The following NELL2 variants were observed in gnomAD, a reference collection of about 807,000 sequenced individuals.
The protein encoded by NELL2 is protein kinase C-binding protein NELL2.
Under a neutral mutation model 109.6 loss-of-function variants are expected in NELL2, and 41 were observed. The observed-to-expected ratio is 0.37, with a 90% CI of 0.29 to 0.49. The LOEUF is 0.49. NELL2 is among the 20% of genes least tolerant of loss of function. NELL2 has a pLI of 0.98. For synonymous variants in NELL2, 355 were observed against 344.7 expected (o/e 1.03, Z -0.33); for missense variants, 900 against 1,008.3 (o/e 0.89, Z 1.45).
rs199889291 is a variant in NELL2 at position 44,773,470 on chromosome 12, C to T, written c.994+1277G>A. Among the ~76,000 whole-genome samples the T allele has an allele frequency of 2.5e-4, 38 of 151,440 alleles. No homozygotes were observed. The East Asian group carries it at 6.8e-3, about 27-fold the overall frequency. On this transcript the variant is annotated intron_variant, in intron 9 of 19. Transcript: ENST00000429094. ...CAGCCTGGGCGACAGAGCGAGGCTC[C>T]GTCTCAAGAAAAAAAAAAAAGAAGT...
intron 2 of NELL2, among the ~76,000 whole-genome samples, chr12:44,819,385 T>A (rs1208923731): frequency 6.6e-6 from 1 of 152,230 alleles, no homozygotes; most frequent in East Asian, 1.9e-4. Flanking sequence ...ATCCATCATA[T>A]TTTGACATCC....
chr12:44,673,328 C>A (rs1338321726), intron 12 of NELL2, among the ~76,000 whole-genome samples: 1 of 152,112 alleles, frequency 6.6e-6, no homozygotes, highest in South Asian at 2.1e-4. Flanking sequence ...AGTTCCAAAT[C>A]CCAATTCAAA....
chr12:44,799,516 G>A (rs1942757500), intron 3 of NELL2, among the ~76,000 whole-genome samples: 1 of 151,634 alleles, frequency 6.6e-6, no homozygotes, highest in East Asian at 2.0e-4. Context: ...GGTTGAGAAG[G>A]GTCAACTGCA....
intron 12 of NELL2, among the ~76,000 whole-genome samples, chr12:44,685,472 T>C (rs1424075715): frequency 6.6e-6 from 1 of 152,152 alleles, no homozygotes; most frequent in Non-Finnish European, 1.5e-5. Flanking sequence ...ATTAGCTGGT[T>C]ATTTTGCTCG....
intron 15 of NELL2, among the ~76,000 whole-genome samples, chr12:44,606,800 C>T (rs1361409468): frequency 3.9e-5 from 6 of 152,020 alleles, no homozygotes; most frequent in African/African-American, 7.2e-5. Flanking sequence ...AGTGTGTTCT[C>T]GGCACTGAGT....
intron 1 of NELL2, among the ~76,000 whole-genome samples, chr12:44,892,062 C>A (rs373360601): frequency 6.6e-6 from 1 of 152,108 alleles, no homozygotes; most frequent in Admixed American, 6.5e-5. Flanking sequence ...TCACACTGGG[C>A]AAGACATCTG....
intron 16 of NELL2, among the ~76,000 whole-genome samples, chr12:44,525,174 A>G (rs946542802): frequency 1.3e-5 from 2 of 152,316 alleles, no homozygotes; most frequent in African/African-American, 4.8e-5. Context: ...TTTTGCAATC[A>G]TTTTATTTTG....
chr12:44,867,607 G>A (rs888387135), intron 2 of NELL2, among the ~76,000 whole-genome samples: 2 of 152,100 alleles, frequency 1.3e-5, no homozygotes, highest in African/African-American at 4.8e-5. Context: ...ATTCAACATA[G>A]TACTGTAAGT....
intron 1 of NELL2, among the ~76,000 whole-genome samples, chr12:44,898,975 A>T (rs1469233148): frequency 6.6e-6 from 1 of 152,182 alleles, no homozygotes; most frequent in Non-Finnish European, 1.5e-5. Flanking sequence ...AAGTATCAAT[A>T]GCCAAATTGG....
chr12:44,847,539 A>G (rs1371528779), intron 2 of NELL2, among the ~76,000 whole-genome samples: 1 of 141,488 alleles, frequency 7.1e-6, no homozygotes, highest in Admixed American at 7.3e-5. Flanking sequence ...TGCCTGAAAG[A>G]TTTTGGCTAA....
At chr12:44,719,761 A>C (rs995866483) in intron 9 of NELL2, among the ~76,000 whole-genome samples, 2 of 152,114 alleles carry the variant, frequency 1.3e-5, no homozygotes, top group Non-Finnish European at 2.9e-5. Context: ...TCCCTTTGGG[A>C]GACTTCTTAA....
intron 13 of NELL2, among the ~76,000 whole-genome samples, chr12:44,631,231 T>C (rs900054256): frequency 3.4e-5 from 5 of 147,584 alleles, no homozygotes; most frequent in Admixed American, 1.4e-4. Context: ...TGTATATATA[T>C]ATAAATAATA....
intron 12 of NELL2, among the ~76,000 whole-genome samples, chr12:44,675,919 G>A (rs1948299415): frequency 6.6e-6 from 1 of 152,084 alleles, no homozygotes; most frequent in Non-Finnish European, 1.5e-5. Flanking sequence ...CTCAGAGGCA[G>A]TGAGCACTCA....
chr12:44,836,328 G>A (rs192240942), intron 2 of NELL2, among the ~76,000 whole-genome samples: 2 of 152,286 alleles, frequency 1.3e-5, no homozygotes, highest in Admixed American at 6.5e-5. Flanking sequence ...AACTGGCTCC[G>A]GAACTGGGAA....
intron 9 of NELL2, among the ~76,000 whole-genome samples, chr12:44,773,766 G>T (rs2136581341): frequency 6.6e-6 from 1 of 152,224 alleles, no homozygotes; most frequent in East Asian, 1.9e-4. Context: ...AGACGGACTG[G>T]CTTCAATGTA....
At chr12:44,671,764 C>T (rs767038049) in intron 12 of NELL2, among the ~76,000 whole-genome samples, 3 of 152,068 alleles carry the variant, frequency 2.0e-5, no homozygotes, top group Non-Finnish European at 4.4e-5. Flanking sequence ...AAGACTGGAT[C>T]GGGAATAAAA....
chr12:44,535,447 T>C (rs1942255159), intron 15 of NELL2, among the ~76,000 whole-genome samples: 1 of 152,022 alleles, frequency 6.6e-6, no homozygotes, highest in Non-Finnish European at 1.5e-5. Flanking sequence ...AAGAACTAAG[T>C]GCTGGGGAAA....
chr12:44,747,581 A>G (rs1290522950), intron 9 of NELL2, among the ~76,000 whole-genome samples: 1 of 152,132 alleles, frequency 6.6e-6, no homozygotes. Flanking sequence ...TCTGGCAGGA[A>G]TCCAAATTTA....
intron 9 of NELL2, among the ~76,000 whole-genome samples, chr12:44,721,175 T>G (rs1463901329): frequency 6.6e-6 from 1 of 152,220 alleles, no homozygotes; most frequent in African/African-American, 2.4e-5. Context: ...ACTCTAACTT[T>G]ACCAATTTAA....
Sources: gnomAD v4.1 joint callset for allele counts (sites outside exome capture counted in the v4.1 genomes callset) on GRCh38, gnomAD v4.1.1 for gene constraint, MANE v1.5 for transcripts, NCBI Gene and HGNC (gene_info 2026-07-23, HGNC 2026-07-21) for gene names.